ULK4: variants seen among roughly 807,000 people sequenced by gnomAD.
ULK4 encodes inactive serine/threonine-protein kinase ULK4.
A neutral mutation model predicts 160.6 loss-of-function variants in ULK4; 133 were observed. The ratio of observed to expected loss-of-function variants is 0.83; its 90% CI spans 0.72 to 0.96. The LOEUF (loss-of-function observed/expected upper bound fraction) is 0.96, where lower values mean the gene tolerates loss of function less well. Ranked by LOEUF, ULK4 falls within the 40% of genes least tolerant of loss-of-function variation. ULK4 has a pLI of 0.00. For synonymous variants in ULK4, 534 were observed against 539.8 expected, an observed-to-expected ratio of 0.99 and a Z score of 0.15; for missense variants, 1,580 against 1,499.5, an observed-to-expected ratio of 1.05 and a Z score of -0.89.
At chr3:41,375,735 C>A (rs1430749176) in intron 35 of ULK4, among the ~76,000 whole-genome samples, 1 of 150,238 alleles carries the variant, frequency 6.7e-6, no homozygotes, top group Non-Finnish European at 1.5e-5. Flanking sequence ...GACTTCATGA[C>A]TAAAATATGA....
intron 27 of ULK4, among the ~76,000 whole-genome samples, chr3:41,695,713 C>T (rs1392910148): frequency 6.6e-6 from 1 of 152,044 alleles, no homozygotes; most frequent in Non-Finnish European, 1.5e-5. Context: ...GGCAAGAGAC[C>T]GAGGCCACGA....
intron 17 of ULK4, among the ~76,000 whole-genome samples, chr3:41,858,403 C>T (rs913541109): frequency 2.0e-5 from 3 of 151,684 alleles, no homozygotes; most frequent in Non-Finnish European, 2.9e-5. Context: ...CCACCTGCCT[C>T]GGCCTCCCAG....
At chr3:41,683,605 G>T (rs9826939) in intron 27 of ULK4, among the ~76,000 whole-genome samples, 29,783 of 151,036 alleles carry the variant, frequency 0.2, 7,863 homozygotes, top group African/African-American at 0.61. Context: ...CTATTTGTTG[G>T]GTCTTTCTTT....
At chr3:41,939,133 A>T (rs1575986552) in intron 2 of ULK4, among the ~76,000 whole-genome samples, 1 of 151,642 alleles carries the variant, frequency 6.6e-6, no homozygotes, top group African/African-American at 2.4e-5. Flanking sequence ...AACTAGAAGG[A>T]AACAAAGCAA....
chr3:41,831,997 C>T (rs2041606767), intron 18 of ULK4, among the ~76,000 whole-genome samples: 1 of 151,980 alleles, frequency 6.6e-6, no homozygotes, highest in Admixed American at 6.6e-5. Context: ...GTAAATAGTG[C>T]TGCAATAAAC....
chr3:41,794,029 A>C (rs2040223296), intron 20 of ULK4, among the ~76,000 whole-genome samples: 1 of 152,108 alleles, frequency 6.6e-6, no homozygotes, highest in South Asian at 2.1e-4. Flanking sequence ...CCCCAGGGGG[A>C]CTCTCGTGCA....
chr3:41,671,315 G>T (rs921163594), intron 29 of ULK4, among the ~76,000 whole-genome samples: 2 of 151,944 alleles, frequency 1.3e-5, no homozygotes, highest in African/African-American at 4.8e-5. Flanking sequence ...AAATCTAGAA[G>T]CATCACACTA....
intron 35 of ULK4, among the ~76,000 whole-genome samples, chr3:41,342,229 T>C (rs1307415374): frequency 6.6e-6 from 1 of 152,070 alleles, no homozygotes; most frequent in South Asian, 2.1e-4. Flanking sequence ...CCCAATCATA[T>C]CAAAAATGCA....
At chr3:41,352,272 T>C (rs184660122) in intron 35 of ULK4, among the ~76,000 whole-genome samples, 56 of 152,302 alleles carry the variant, frequency 3.7e-4, no homozygotes, top group Non-Finnish European at 5.7e-4. Flanking sequence ...ACAACCATCA[T>C]TGTAGCTACA....
At chr3:41,567,356 C>G (rs1003549391) in intron 31 of ULK4, among the ~76,000 whole-genome samples, 1 of 150,498 alleles carries the variant, frequency 6.6e-6, no homozygotes, top group Non-Finnish European at 1.5e-5. Context: ...AGCAGGGAAG[C>G]AAGGTTCAGA....
rs925506358 is a variant in ULK4 at position 41,463,068 on chromosome 3, A to G, written c.3393+19T>C. 3 of 1,610,828 alleles carry G rather than the reference A, an allele frequency of 1.9e-6. No individual in the cohort carries two copies. Among genetic ancestry groups the G allele is most frequent in the Non-Finnish European group, 2.5e-6 (3 of 1,178,032 alleles). ...AATGGAGTAGGGCTGCTCAAGACAC[A>G]GGAAAACAGATCCTCTACCTGCAAA... is the stretch of plus-strand genomic sequence containing the variant. On this transcript the variant is annotated intron_variant, in intron 33 of 36. Transcript: ENST00000301831.
At chr3:41,950,091 C>CT (rs561321352) in intron 2 of ULK4, among the ~76,000 whole-genome samples, 5,228 of 144,388 alleles carry the variant, frequency 0.036, 263 homozygotes, top group African/African-American at 0.11. Context: ...TTTTATTTTT[C>CT]TTTTTTTTTT....
chr3:41,337,430 G>A (rs546207710), intron 35 of ULK4, among the ~76,000 whole-genome samples: 2 of 152,186 alleles, frequency 1.3e-5, no homozygotes, highest in East Asian at 1.9e-4. Flanking sequence ...GTTCTGAGGG[G>A]TGAGGATGAA....
intron 31 of ULK4, among the ~76,000 whole-genome samples, chr3:41,609,944 A>G (rs918466889): frequency 6.6e-6 from 1 of 151,512 alleles, no homozygotes; most frequent in African/African-American, 2.4e-5. Context: ...ACTGCATTCC[A>G]GCCTGGGTGA....
At chr3:41,834,091 G>T (rs1468841541) in intron 18 of ULK4, among the ~76,000 whole-genome samples, 2 of 151,034 alleles carry the variant, frequency 1.3e-5, no homozygotes, top group African/African-American at 4.9e-5. Flanking sequence ...ATTTATTGGG[G>T]AGCTGGACAG....
intron 20 of ULK4, among the ~76,000 whole-genome samples, chr3:41,792,600 T>G (rs1240072848): frequency 6.6e-6 from 1 of 152,154 alleles, no homozygotes; most frequent in Non-Finnish European, 1.5e-5. Flanking sequence ...ATGGGGAAAT[T>G]TCTTAATAAA....
chr3:41,904,050 T>C (rs1450325497), intron 12 of ULK4, among the ~76,000 whole-genome samples: 2 of 151,918 alleles, frequency 1.3e-5, no homozygotes, highest in African/African-American at 2.4e-5. Flanking sequence ...GTAAATAATT[T>C]TTCTATTTTC....
At chr3:41,825,324 C>T (rs556526414) in intron 18 of ULK4, among the ~76,000 whole-genome samples, 2 of 152,270 alleles carry the variant, frequency 1.3e-5, no homozygotes, top group African/African-American at 2.4e-5. Context: ...ATGCCTTTGA[C>T]GAGTTGAGAG....
intron 17 of ULK4, among the ~76,000 whole-genome samples, chr3:41,841,274 C>T (rs1402830297): frequency 2.1e-5 from 3 of 143,234 alleles, no homozygotes; most frequent in Non-Finnish European, 3.1e-5. Context: ...CTCTGCCTGG[C>T]CGCCCCGTCT....
Sources: gnomAD v4.1 joint callset for allele counts (sites outside exome capture counted in the v4.1 genomes callset) on GRCh38, gnomAD v4.1.1 for gene constraint, MANE v1.5 for transcripts, NCBI Gene and HGNC (gene_info 2026-07-23, HGNC 2026-07-21) for gene names.